CNTN5: variants seen among roughly 807,000 people sequenced by gnomAD.
The protein encoded by CNTN5 is contactin 5.
In CNTN5, 77 loss-of-function variants were observed where a neutral mutation model predicts 129.1. The observed-to-expected ratio is 0.60, with a 90% confidence interval of 0.50 to 0.72. The LOEUF (loss-of-function observed/expected upper bound fraction) is 0.72. Among genes scored for constraint, CNTN5 ranks in the 30% least tolerant of loss-of-function variants. The probability of loss-of-function intolerance (pLI) is 0.00; values close to 1 mark genes in which losing one functional copy is unlikely to be tolerated. For synonymous variants in CNTN5, 509 were observed against 465.6 expected, an observed-to-expected ratio of 1.09 and a Z score of -1.20; for missense variants, 1,478 against 1,328.8, an observed-to-expected ratio of 1.11 and a Z score of -1.75.
At chr11:99,925,528 G>T (rs1950041403) in intron 7 of CNTN5, among the ~76,000 whole-genome samples, 1 of 152,096 alleles carries the variant, frequency 6.6e-6, no homozygotes, top group South Asian at 2.1e-4. Flanking sequence ...AAGGACTAAA[G>T]ATGCTGACAC....
intron 1 of CNTN5, among the ~76,000 whole-genome samples, chr11:99,274,648 A>T (rs919072162): frequency 6.6e-6 from 1 of 151,568 alleles, no homozygotes; most frequent in Non-Finnish European, 1.5e-5. Flanking sequence ...ACTACTATAT[A>T]TATATGAATA....
chr11:99,871,573 T>C (rs1210040097), intron 6 of CNTN5, among the ~76,000 whole-genome samples: 1 of 152,042 alleles, frequency 6.6e-6, no homozygotes, highest in Non-Finnish European at 1.5e-5. Flanking sequence ...TAATGTCAGG[T>C]ACTGGGAAAA....
At chr11:99,122,679 A>C (rs1432725296) in intron 1 of CNTN5, among the ~76,000 whole-genome samples, 1 of 151,898 alleles carries the variant, frequency 6.6e-6, no homozygotes, top group African/African-American at 2.4e-5. Context: ...GTTTATTATT[A>C]TTTTTTTGAT....
intron 2 of CNTN5, among the ~76,000 whole-genome samples, chr11:99,524,297 A>G (rs964386421): frequency 5.3e-5 from 8 of 152,060 alleles, no homozygotes; most frequent in Non-Finnish European, 1.2e-4. Flanking sequence ...TTTGTTTTGT[A>G]TTTTCATAAA....
At chr11:99,304,977 A>T (rs1432172463) in intron 1 of CNTN5, among the ~76,000 whole-genome samples, 2 of 152,162 alleles carry the variant, frequency 1.3e-5, no homozygotes, top group African/African-American at 4.8e-5. Flanking sequence ...TAGCCCACAG[A>T]TCTGGGGTAA....
chr11:99,726,165 TAGG>T (rs985976268), intron 3 of CNTN5, among the ~76,000 whole-genome samples: 2 of 152,124 alleles, frequency 1.3e-5, no homozygotes, highest in African/African-American at 2.4e-5. Flanking sequence ...TGACTACACT[TAGG>T]AGAACTGAAG....
chr11:99,460,103 G>C (rs1001453638), intron 2 of CNTN5, among the ~76,000 whole-genome samples: 1 of 151,814 alleles, frequency 6.6e-6, no homozygotes, highest in African/African-American at 2.4e-5. Context: ...AAAATAGATG[G>C]AATGCGGGTG....
chr11:99,255,593 CAGG>C (rs1320552425), intron 1 of CNTN5, among the ~76,000 whole-genome samples: 1 of 151,338 alleles, frequency 6.6e-6, no homozygotes, highest in Non-Finnish European at 1.5e-5. Context: ...AATAGATATT[CAGG>C]AGATTAACGG....
chr11:100,001,904 C>T (rs547201304), intron 8 of CNTN5, 130 bp from the exon 9 acceptor site: 35 of 653,536 alleles, frequency 5.4e-5, no homozygotes, highest in Middle Eastern at 5.5e-4. Flanking sequence ...TTCAATACAT[C>T]GAAAAATTTA....
intron 3 of CNTN5, among the ~76,000 whole-genome samples, chr11:99,817,596 GTTTTTTTTTT>G (rs372057505): frequency 1.9e-4 from 19 of 99,640 alleles, no homozygotes; most frequent in East Asian, 7.2e-4. Context: ...GTCTGGGATA[GTTTTTTTTTT>G]TTTTTTTTTT....
chr11:99,804,114 A>C (rs1019034033), intron 3 of CNTN5, among the ~76,000 whole-genome samples: 3 of 152,176 alleles, frequency 2.0e-5, no homozygotes, highest in African/African-American at 7.2e-5. Context: ...TTTTTATACC[A>C]AAAGGCTGGT....
intron 3 of CNTN5, among the ~76,000 whole-genome samples, chr11:99,642,491 T>C (rs1225893386): frequency 6.6e-6 from 1 of 152,200 alleles, no homozygotes; most frequent in Non-Finnish European, 1.5e-5. Flanking sequence ...AGTTGACACA[T>C]AGTAATTGTA....
intron 13 of CNTN5, among the ~76,000 whole-genome samples, chr11:100,088,459 T>C (rs1478798349): frequency 1.3e-5 from 2 of 151,916 alleles, no homozygotes; most frequent in African/African-American, 4.8e-5. Context: ...ATTTGGTTCT[T>C]TAAAAGGATA....
intron 2 of CNTN5, among the ~76,000 whole-genome samples, chr11:99,449,718 T>G (rs1254733277): frequency 6.6e-6 from 1 of 152,178 alleles, no homozygotes. Flanking sequence ...TGGGTCTCTC[T>G]TTATCTCTCA....
intron 1 of CNTN5, among the ~76,000 whole-genome samples, chr11:99,264,097 A>T (rs80298576): frequency 0.093 from 14,201 of 151,904 alleles, 709 homozygotes; most frequent in Middle Eastern, 0.12. Flanking sequence ...AAAAATACAG[A>T]TATTCTATAA....
intron 3 of CNTN5, among the ~76,000 whole-genome samples, chr11:99,566,592 G>A (rs534727482): frequency 6.6e-6 from 1 of 152,112 alleles, no homozygotes; most frequent in Non-Finnish European, 1.5e-5. Context: ...GAAATGAGAT[G>A]GAAAGACACA....
intron 1 of CNTN5, among the ~76,000 whole-genome samples, chr11:99,256,423 A>G (rs1349842985): frequency 6.6e-6 from 1 of 152,072 alleles, no homozygotes; most frequent in Non-Finnish European, 1.5e-5. Context: ...AGAGTGAAGA[A>G]CTATTACAGT....
chr11:99,880,431 C>T (rs981488174), intron 6 of CNTN5, among the ~76,000 whole-genome samples: 8 of 151,390 alleles, frequency 5.3e-5, no homozygotes, highest in African/African-American at 2.0e-4. Flanking sequence ...CTACTCCATT[C>T]ATTTTTTTTC....
intron 4 of CNTN5, among the ~76,000 whole-genome samples, chr11:99,837,990 T>C (rs61911600): frequency 0.11 from 16,347 of 152,096 alleles, 1,546 homozygotes; most frequent in East Asian, 0.43. Flanking sequence ...ATGAAGTTTA[T>C]AAAATACAGA....
Sources: allele counts gnomAD v4.1 joint callset (sites outside exome capture counted in the v4.1 genomes callset), GRCh38; gene constraint gnomAD v4.1.1; transcripts MANE v1.5; gene names NCBI Gene and HGNC (gene_info 2026-07-23, HGNC 2026-07-21).